SLC35B4: variants seen among roughly 807,000 people sequenced by gnomAD.
SLC35B4 encodes nucleotide sugar transporter SLC35B4.
A neutral mutation model predicts 39.5 loss-of-function variants in SLC35B4; 28 were observed. The observed-to-expected ratio is 0.71, with a 90% CI of 0.53 to 0.97. SLC35B4 has a LOEUF of 0.97. Among genes scored for constraint, SLC35B4 ranks in the 50% least tolerant of loss-of-function variants. SLC35B4 has a pLI of 0.00. For missense variants in SLC35B4, 334 were observed against 414.3 expected, an observed-to-expected ratio of 0.81 and a Z score of 1.68; for synonymous variants, 145 against 150.4, an observed-to-expected ratio of 0.96 and a Z score of 0.26.
intron 4 of SLC35B4, among the ~76,000 whole-genome samples, chr7:134,303,716 C>T (rs562628762): frequency 7.9e-5 from 12 of 152,148 alleles, no homozygotes; most frequent in African/African-American, 2.2e-4. Context: ...TACATTGAAA[C>T]GCTGCCATCA....
chr7:134,293,465 A>G lies in SLC35B4; in HGVS notation c.*1368T>C, dbSNP rs1803379502. 1.3e-5 allele frequency: 2 copies of G among 152,244 alleles called. No homozygotes were observed. The highest frequency in any genetic ancestry group is 4.8e-5 in the African/African-American group (2 of 41,462). 9.4% of individuals were successfully genotyped at this position (152,244 alleles called of 1,614,324 possible). A position where few individuals can be genotyped will look rare whatever the true frequency, so the allele number is the denominator to read the frequency against. On this transcript the variant is annotated 3_prime_UTR_variant, in exon 10 of 10. Transcript: ENST00000378509. The stretch of plus-strand genomic sequence containing the variant: ...GCACATCCAACCATCCTCAATACCC[A>G]TCGAGAATGCTAAGATACCTCATAG...
chr7:134,291,321 A>C lies in SLC35B4; in HGVS notation c.*3512T>G, dbSNP rs953845865. On this transcript the variant is annotated 3_prime_UTR_variant, in exon 10 of 10. Transcript: ENST00000378509. ...AATGCTTGTAAGAATGTATAACAAA[A>C]TACACGCTGTGCAGATATAAATACT... The C allele has an allele frequency of 1.3e-5, 2 of 152,222 alleles. No individual in the cohort carries two copies. The highest frequency in any genetic ancestry group is 2.9e-5 in the Non-Finnish European group (2 of 68,048). The allele number at this position is 152,222 out of a possible 1,614,324, so 9.4% of individuals were successfully genotyped here. A position where few individuals can be genotyped will look rare whatever the true frequency, so the allele number is the denominator to read the frequency against.
chr7:134,294,538 C>A lies in SLC35B4; in HGVS notation c.*295G>T, dbSNP rs561904447. 4 of 277,384 alleles carry A rather than the reference C, an allele frequency of 1.4e-5. No individual in the cohort carries two copies. The South Asian group carries it at 2.3e-4, about 16-fold the overall frequency. 17.2% of individuals were successfully genotyped at this position (277,384 alleles called of 1,614,324 possible). On this transcript the variant is annotated 3_prime_UTR_variant, in exon 10 of 10. Transcript: ENST00000378509. ...TAGTAAGCCTTTTGTTCAGGAGACTCAGAATTCAGAAAACAAGAATAATAC... is the reference window on the plus strand; with the variant it reads ...TAGTAAGCCTTTTGTTCAGGAGACTAAGAATTCAGAAAACAAGAATAATAC...
intron 6 of SLC35B4, among the ~76,000 whole-genome samples, chr7:134,301,231 G>C (rs1313474801): frequency 1.3e-5 from 2 of 152,188 alleles, no homozygotes; most frequent in African/African-American, 4.8e-5. Context: ...CAAAAAATGT[G>C]AGAACAAAGC....
In SLC35B4 at chr7:134,316,878, T is replaced by C; in HGVS notation, c.-127A>G. 1 of 887,704 alleles carries C rather than the reference T, an allele frequency of 1.1e-6. No individual in the cohort carries two copies. The highest frequency in any genetic ancestry group is 1.7e-6 in the Non-Finnish European group (1 of 584,652). 55.0% of individuals were successfully genotyped at this position (887,704 alleles called of 1,614,324 possible). A position where few individuals can be genotyped will look rare whatever the true frequency, so the allele number is the denominator to read the frequency against. On this transcript the variant is annotated 5_prime_UTR_variant, in exon 1 of 10. Coordinates refer to ENST00000378509, the MANE Select transcript of SLC35B4 (RefSeq NM_032826.5). ...CACCGTCCTGGAAAGCCGCTCTCAC[T>C]GGGGGCCGCCGCGGTCTCCCCTTCT... is the stretch of plus-strand genomic sequence containing the variant.
At chr7:134,318,154 C>T (rs188611497), upstream of SLC35B4, among the ~76,000 whole-genome samples, 19 of 152,300 alleles carry the variant, frequency 1.2e-4, no homozygotes, top group African/African-American at 4.1e-4. Context: ...CTGAAGTACT[C>T]GTTATCGAGT....
intron 1 of SLC35B4, 119 bp downstream of exon 1, chr7:134,316,556 C>T: frequency 9.3e-7 from 1 of 1,072,922 alleles, no homozygotes; most frequent in African/African-American, 1.6e-5. Flanking sequence ...GCCGTCCTGC[C>T]CCGGGCTCCG....
chr7:134,305,910 C>T (rs1200978910), intron 3 of SLC35B4, among the ~76,000 whole-genome samples: 1 of 152,092 alleles, frequency 6.6e-6, no homozygotes, highest in African/African-American at 2.4e-5. Flanking sequence ...CTCAGGTGAT[C>T]CACCCACCTC....
chr7:134,300,938 T>A (rs1456065798), intron 6 of SLC35B4, among the ~76,000 whole-genome samples: 2 of 152,208 alleles, frequency 1.3e-5, no homozygotes, highest in African/African-American at 2.4e-5. Context: ...TCATTTGCAT[T>A]TCTCTGATTA....
intron 8 of SLC35B4, among the ~76,000 whole-genome samples, chr7:134,299,129 G>C (rs184639144): frequency 6.6e-6 from 1 of 152,352 alleles, no homozygotes; most frequent in East Asian, 1.9e-4. Context: ...CTGGATCTGT[G>C]AGCAGCTCTG....
In SLC35B4 at chr7:134,306,756, C is replaced by T. The variant is rs755738182; in HGVS notation, c.210G>A (p.Val70=). 3 of 1,613,590 alleles carry T rather than the reference C, an allele frequency of 1.9e-6. No homozygotes were observed. The highest frequency in any genetic ancestry group is 3.3e-5 in the Admixed American group (2 of 59,880). The stretch of plus-strand genomic sequence containing the variant: ...CCACGCTCACGGTGAAGAACATGGT[C>T]ACCATTATGGCATAGTACCTGAAAT... ...AIPIRYYAIM[V]TMFFTVSVVN... Residue 70 remains valine (V), a synonymous_variant, in exon 3 of 10, where the codon GTG becomes GTA. Transcript: ENST00000378509.
chr7:134,289,575 C>G lies in SLC35B4; in HGVS notation c.*5258G>C, dbSNP rs1450803489. On this transcript the variant is annotated 3_prime_UTR_variant, in exon 10 of 10. Coordinates refer to ENST00000378509, the MANE Select transcript of SLC35B4 (RefSeq NM_032826.5). Reference sequence around the variant, plus strand: ...TCAGACGGGATGAATAAAATCCCCGCCGTCCCTCCCCACCACATAATTTGT... The same window carrying G: ...TCAGACGGGATGAATAAAATCCCCGGCGTCCCTCCCCACCACATAATTTGT... 1 of 152,582 alleles carries G rather than the reference C, an allele frequency of 6.6e-6. No homozygotes were observed. Among genetic ancestry groups the G allele is most frequent in the African/African-American group, 2.4e-5 (1 of 41,434 alleles). The allele number at this position is 152,582 out of a possible 1,614,324, so 9.5% of individuals were successfully genotyped here.
chr7:134,301,273 G>C (rs73443136), intron 6 of SLC35B4, among the ~76,000 whole-genome samples: 2,927 of 152,264 alleles, frequency 0.019, 116 homozygotes, highest in African/African-American at 0.068. Context: ...ATTCCACAGA[G>C]ATCCTTGTAT....
At position 134,295,077 on chromosome 7, in the gene SLC35B4, T is replaced by C. The variant is rs760731702; in HGVS notation, c.752A>G (p.Tyr251Cys). 5.0e-6 allele frequency: 8 copies of C among 1,613,692 alleles called. No individual in the cohort carries two copies. The Admixed American group carries it at 6.7e-5, about 13-fold the overall frequency. Residue 251 changes from tyrosine (Y) to cysteine (C), a missense_variant and splice_region_variant, in exon 10 of 10, where the codon TAC becomes TGC. Transcript: ENST00000378509. ...GATAAACACACCCCGGATGCACACG[T>C]ACCTGGAGGAGTGGAGTCAAGGTAG... Reference protein sequence around the residue: ...FYLLMNIITQYVCIRGVFILT... With the variant: ...FYLLMNIITQCVCIRGVFILT...
In SLC35B4 at chr7:134,309,417, C is replaced by A. The variant is rs758819519; in HGVS notation, c.140G>T (p.Gly47Val). 5.6e-6 allele frequency: 9 copies of A among 1,611,470 alleles called. No homozygotes were observed. Among genetic ancestry groups the A allele is most frequent in the African/African-American group, 2.7e-5 (2 of 74,876 alleles). ...FAQFLFIAVE[G>V]FLFEADLGRK... Reference sequence around the variant, plus strand: ...TCCCAAATCAGCTTCAAAGAGGAAGCCTTCCACAGCAATAAATAAAAATTG... The same window carrying A: ...TCCCAAATCAGCTTCAAAGAGGAAGACTTCCACAGCAATAAATAAAAATTG... Residue 47 changes from glycine to valine, a missense_variant, in exon 2 of 10, where the codon GGC becomes GTC. Physicochemically the swap from Gly to Val is moderately radical, Grantham distance 109. Coordinates refer to ENST00000378509, the MANE Select transcript of SLC35B4 (RefSeq NM_032826.5).
At chr7:134,320,308 G>T (rs1336528654), upstream of SLC35B4, among the ~76,000 whole-genome samples, 1 of 152,092 alleles carries the variant, frequency 6.6e-6, no homozygotes, top group Non-Finnish European at 1.5e-5. Context: ...TCTTGACATG[G>T]TGTCTCTTAG....
upstream of SLC35B4, chr7:134,317,159 T>A: frequency 5.3e-6 from 1 of 188,068 alleles, no homozygotes; most frequent in South Asian, 1.1e-4. Context: ...CGTCAGTGTT[T>A]CTTGCGAGAC....
intron 1 of SLC35B4, among the ~76,000 whole-genome samples, chr7:134,309,860 C>T (rs574472764): frequency 8.5e-5 from 13 of 152,256 alleles, no homozygotes; most frequent in South Asian, 2.1e-4. Flanking sequence ...GGTAGCAAAG[C>T]CCAGGGACAG....
intron 4 of SLC35B4, among the ~76,000 whole-genome samples, chr7:134,303,717 G>A (rs969752424): frequency 3.3e-5 from 5 of 152,120 alleles, no homozygotes; most frequent in Admixed American, 6.5e-5. Context: ...ACATTGAAAC[G>A]CTGCCATCAA....
Sources: gnomAD v4.1 joint callset for allele counts (sites outside exome capture counted in the v4.1 genomes callset) on GRCh38, gnomAD v4.1.1 for gene constraint, MANE v1.5 for transcripts, NCBI Gene and HGNC (gene_info 2026-07-23, HGNC 2026-07-21) for gene names.